ESR2: variants seen among roughly 807,000 people sequenced by gnomAD.
The protein encoded by ESR2 is estrogen receptor beta.
ESR2 carries 36 observed loss-of-function variants against 49.6 expected under a neutral mutation model. That is an observed-to-expected ratio of 0.73 (90% CI 0.56 to 0.96). The LOEUF (loss-of-function observed/expected upper bound fraction) is 0.96. ESR2 is among the 40% of genes least tolerant of loss of function. ESR2 has a pLI of 0.00. For synonymous variants in ESR2, 320 were observed against 266.1 expected, an observed-to-expected ratio of 1.20 and a Z score of -1.97; for missense variants, 714 against 693.0, an observed-to-expected ratio of 1.03 and a Z score of -0.34.
Position 64,283,062 on chromosome 14 carries a change from G to A in ESR2, c.-77C>T, listed in dbSNP as rs2076714596. 1 of 1,462,082 alleles carries A rather than the reference G, an allele frequency of 6.8e-7. No homozygotes were observed. The highest frequency in any genetic ancestry group is 9.2e-7 in the Non-Finnish European group (1 of 1,084,632). The allele number at this position is 1,462,082 out of a possible 1,614,324, so 90.6% of individuals were successfully genotyped here. A position where few individuals can be genotyped will look rare whatever the true frequency, so the allele number is the denominator to read the frequency against. On this transcript the variant is annotated 5_prime_UTR_variant, in exon 2 of 9. Transcript: ENST00000341099. ...ATTATAATGTTCTCAAAGATTCGTG[G>A]GCAAGTATAATGGCTGTAAAGAAAC...
chr14:64,288,581 C>G (rs2076819512), intron 1 of ESR2, among the ~76,000 whole-genome samples: 1 of 151,970 alleles, frequency 6.6e-6, no homozygotes, highest in Admixed American at 6.5e-5. Flanking sequence ...ATCTCTTGAC[C>G]TCGTGACCCG....
At chr14:64,265,958 A>G (rs544977280) in intron 4 of ESR2, among the ~76,000 whole-genome samples, 2 of 152,316 alleles carry the variant, frequency 1.3e-5, no homozygotes, top group East Asian at 3.9e-4. Flanking sequence ...GAAAGGAGAG[A>G]GACAGAGTTA....
At chr14:64,306,738 T>TA in intron 1 of ESR2, among the ~76,000 whole-genome samples, 1 of 152,320 alleles carries the variant, frequency 6.6e-6, no homozygotes, top group Admixed American at 6.5e-5. Context: ...GATCTGTAGT[T>TA]TTCTAAGAAT....
chr14:64,323,692 A>G (rs545926672), intron 1 of ESR2, among the ~76,000 whole-genome samples: 8 of 151,898 alleles, frequency 5.3e-5, no homozygotes, highest in Non-Finnish European at 1.0e-4. Flanking sequence ...ATTAAGTCCT[A>G]TTTTGTTTGT....
chr14:64,294,113 C>A lies in ESR2; in HGVS notation c.-171G>T, dbSNP rs1160100246. 1.7e-4 allele frequency: 26 copies of A among 152,348 alleles called. 1 individual carries two copies. Among genetic ancestry groups the A allele is most frequent in the Admixed American group, 1.7e-3 (26 of 15,288 alleles). 9.4% of individuals were successfully genotyped at this position (152,348 alleles called of 1,614,324 possible). A position where few individuals can be genotyped will look rare whatever the true frequency, so the allele number is the denominator to read the frequency against. ...CCGCATTAGGGGGGGTCTCCCGGCG[C>A]GCGCCCCGCCGCCACCTGTTGAGGA... On this transcript the variant is annotated 5_prime_UTR_variant, in exon 1 of 9. Coordinates refer to ENST00000341099, the MANE Select transcript of ESR2 (RefSeq NM_001437.3).
chr14:64,272,947 T>C (rs2076479692), intron 3 of ESR2, among the ~76,000 whole-genome samples: 1 of 152,186 alleles, frequency 6.6e-6, no homozygotes, highest in South Asian at 2.1e-4. Context: ...ATCTGTAGAT[T>C]GCTTTGGGTA....
chr14:64,311,294 A>G (rs1287768708), intron 1 of ESR2, among the ~76,000 whole-genome samples: 1 of 152,200 alleles, frequency 6.6e-6, no homozygotes, highest in Non-Finnish European at 1.5e-5. Context: ...TGACGTTTCA[A>G]AACCTACTGT....
In ESR2 at chr14:64,229,422, T is replaced by C. The variant is rs2098725219; in HGVS notation, c.*3715A>G. ...GAATTTGCCCCCGTGGGCTTTAATT[T>C]ACACAGATATGAAAGGTGGAGTTGA... On this transcript the variant is annotated 3_prime_UTR_variant, in exon 9 of 9. Coordinates refer to ENST00000341099, the MANE Select transcript of ESR2 (RefSeq NM_001437.3). Among the ~76,000 whole-genome samples the C allele has an allele frequency of 6.6e-6, 1 of 152,156 alleles. No individual in the cohort carries two copies. The highest frequency in any genetic ancestry group is 2.4e-5 in the African/African-American group (1 of 41,426).
rs373335293 is a variant in ESR2, at chr14:64,328,615, T to C, written c.-91+9283A>G. ...ATTTGTGTTGCTATAAGGGAATACTTGAGGCTGAGTAATTTATAAAGAAAA... is the reference window on the plus strand; with the variant it reads ...ATTTGTGTTGCTATAAGGGAATACTCGAGGCTGAGTAATTTATAAAGAAAA... On this transcript the variant is annotated intron_variant, in intron 1 of 8. Transcript: ENST00000358599. Among the ~76,000 whole-genome samples, 26 of 152,276 alleles carry C rather than the reference T, an allele frequency of 1.7e-4. No homozygotes were observed. In the East Asian group the frequency reaches 4.0e-3, roughly 24 times the overall value.
chr14:64,334,526 T>C (rs1004787114), intron 1 of ESR2, among the ~76,000 whole-genome samples: 3 of 152,200 alleles, frequency 2.0e-5, no homozygotes, highest in African/African-American at 4.8e-5. Flanking sequence ...ATTCATGACC[T>C]ATTGACATAC....
intron 1 of ESR2, among the ~76,000 whole-genome samples, chr14:64,307,626 C>T (rs1349413602): frequency 2.0e-5 from 3 of 152,154 alleles, no homozygotes; most frequent in Non-Finnish European, 4.4e-5. Context: ...TCTCCGCCTC[C>T]TGGGTTCACG....
chr14:64,227,996 A>C, downstream of ESR2: 1 of 1,550,690 alleles, frequency 6.4e-7, no homozygotes, highest in Non-Finnish European at 8.6e-7. Flanking sequence ...TAATCGATGC[A>C]CTGGATACCA....
At chr14:64,299,758 A>G (rs528689169) in intron 1 of ESR2, among the ~76,000 whole-genome samples, 4 of 152,180 alleles carry the variant, frequency 2.6e-5, no homozygotes, top group Non-Finnish European at 5.9e-5. Flanking sequence ...ACCTAACCAG[A>G]GAAAGGAATC....
At chr14:64,304,382 T>C (rs1297767016) in intron 1 of ESR2, among the ~76,000 whole-genome samples, 2 of 152,164 alleles carry the variant, frequency 1.3e-5, no homozygotes. Context: ...ACTTTATTAC[T>C]CTATAAGGAG....
chr14:64,234,723 A>G, intron 8 of ESR2: 1 of 775,302 alleles, frequency 1.3e-6, no homozygotes, highest in South Asian at 2.2e-5. Context: ...TATAAACCCC[A>G]GCAATTGAAA....
intron 7 of ESR2, among the ~76,000 whole-genome samples, chr14:64,236,612 C>G (rs1189430247): frequency 2.0e-5 from 3 of 152,162 alleles, no homozygotes; most frequent in African/African-American, 7.2e-5. Context: ...GAGTCCCCCT[C>G]TCAACTCCCT....
At chr14:64,294,424 G>A (rs147604405), upstream of ESR2, 548 of 152,482 alleles carry the variant, frequency 3.6e-3, 3 homozygotes, top group Admixed American at 6.7e-3. Flanking sequence ...AGGGTAGAGG[G>A]GAGTAGTGCC....
chr14:64,242,864 T>TA (rs2075767199), intron 7 of ESR2, among the ~76,000 whole-genome samples: 1 of 152,172 alleles, frequency 6.6e-6, no homozygotes, highest in Admixed American at 6.5e-5. Context: ...TTATTGGACT[T>TA]ACAGTTCCAC....
At chr14:64,259,913 C>A (rs2076177011) in intron 5 of ESR2, among the ~76,000 whole-genome samples, 1 of 152,126 alleles carries the variant, frequency 6.6e-6, no homozygotes, top group Non-Finnish European at 1.5e-5. Flanking sequence ...AATCCACAGC[C>A]AAGAAATGGG....
Sources: gnomAD v4.1 joint callset for allele counts (sites outside exome capture counted in the v4.1 genomes callset) on GRCh38, gnomAD v4.1.1 for gene constraint, MANE v1.5 for transcripts, NCBI Gene and HGNC (gene_info 2026-07-23, HGNC 2026-07-21) for gene names.